The following EYA1 variants were observed in gnomAD, a reference collection of about 807,000 sequenced individuals.
EYA1 encodes EYA transcriptional coactivator and phosphatase 1.
A neutral mutation model predicts 82.0 loss-of-function variants in EYA1; 16 were observed. The ratio of observed to expected loss-of-function variants is 0.20; its 90% CI spans 0.13 to 0.30. EYA1 has a LOEUF of 0.30. Among genes scored for constraint, EYA1 ranks in the 10% least tolerant of loss-of-function variants. The pLI is 1.00. For synonymous variants in EYA1, 261 were observed against 264.4 expected, an observed-to-expected ratio of 0.99 and a Z score of 0.12; for missense variants, 633 against 730.7, an observed-to-expected ratio of 0.87 and a Z score of 1.54.
intron 2 of EYA1, among the ~76,000 whole-genome samples, chr8:71,394,774 G>A (rs994312280): frequency 1.3e-5 from 2 of 152,070 alleles, no homozygotes; most frequent in Non-Finnish European, 2.9e-5. Flanking sequence ...TGGCAATGAG[G>A]GCTCTTTTTT....
At chr8:71,451,875 A>C (rs549718969) in intron 2 of EYA1, among the ~76,000 whole-genome samples, 1 of 152,280 alleles carries the variant, frequency 6.6e-6, no homozygotes, top group South Asian at 2.1e-4. Flanking sequence ...CTGCATTTCC[A>C]ACTGAGGTAT....
At chr8:71,462,452 G>A (rs527583029) in intron 2 of EYA1, among the ~76,000 whole-genome samples, 3 of 152,186 alleles carry the variant, frequency 2.0e-5, no homozygotes, top group Non-Finnish European at 4.4e-5. Flanking sequence ...AGGGGAATGG[G>A]AGCCTTCCCA....
chr8:71,391,996 T>C (rs1272989402), intron 2 of EYA1, among the ~76,000 whole-genome samples: 1 of 152,190 alleles, frequency 6.6e-6, no homozygotes, highest in Non-Finnish European at 1.5e-5. Context: ...CTCTCAGAAC[T>C]GCAGCTGCAG....
At position 71,266,493 on chromosome 8, in the gene EYA1, C is replaced by T. The variant is rs193024404; in HGVS notation, c.1050+3247G>A. On this transcript the variant is annotated intron_variant, in intron 11 of 17. Transcript: ENST00000340726. ...ATCATTAAGTAGACTTCCTTGCATG[C>T]TTCCAGCTACAATTCAACATCCTAA... Among the ~76,000 whole-genome samples the T allele has an allele frequency of 2.8e-3, 433 of 152,302 alleles. 1 individual carries two copies. Among genetic ancestry groups the T allele is most frequent in the African/African-American group, 0.01 (419 of 41,554 alleles).
chr8:71,441,871 G>A (rs374950210), intron 2 of EYA1, among the ~76,000 whole-genome samples: 4 of 152,000 alleles, frequency 2.6e-5, no homozygotes, highest in South Asian at 2.1e-4. Context: ...GAATTAATTC[G>A]CTTATAAAAA....
intron 2 of EYA1, among the ~76,000 whole-genome samples, chr8:71,464,613 C>T (rs1260811530): frequency 6.6e-6 from 1 of 152,112 alleles, no homozygotes; most frequent in Non-Finnish European, 1.5e-5. Context: ...ATTAACTACA[C>T]TACATTAACA....
intron 2 of EYA1, among the ~76,000 whole-genome samples, chr8:71,472,529 G>T (rs865797397): frequency 6.6e-6 from 1 of 151,990 alleles, no homozygotes; most frequent in East Asian, 1.9e-4. Context: ...GTAAAAAGCA[G>T]CCATTATTAT....
chr8:71,244,686 G>A lies in EYA1; in HGVS notation c.1057C>T (p.Pro353Ser). Residue 353 changes from proline to serine, a missense_variant, in exon 12 of 18, where the codon CCC (proline) becomes TCC (serine). Physicochemically the swap from Pro to Ser is moderately conservative, Grantham distance 74. Coordinates refer to ENST00000340726, the MANE Select transcript of EYA1 (RefSeq NM_000503.6). ...CGCAGTCCAAGGGAAACTGAAGTGG[G>A]TGGATCCTAAAATAAGAATATGACA... The part of the protein sequence containing the change: ...SYANRYGRDP[P>S]TSVSLGLRME... 1 of 1,591,214 alleles carries A rather than the reference G, an allele frequency of 6.3e-7. No individual in the cohort carries two copies. Among genetic ancestry groups the A allele is most frequent in the East Asian group, 2.2e-5 (1 of 44,694 alleles).
chr8:71,331,737 C>T (rs935592470), intron 4 of EYA1, among the ~76,000 whole-genome samples: 8 of 152,098 alleles, frequency 5.3e-5, no homozygotes, highest in African/African-American at 1.9e-4. Context: ...TCTCAAGACA[C>T]GTTTTAAAAA....
In EYA1 at chr8:71,294,525, GAA is replaced by G. The variant is rs1819390535; in HGVS notation, c.826+4520_826+4521del. ...TACTAGAGAGGGAAAGAGAGAGAGA[GAA>G]AGAGGTGTAACTCTAAAAATTATAT... is the stretch of plus-strand genomic sequence containing the variant. On this transcript the variant is annotated intron_variant, in intron 9 of 17. Transcript: ENST00000340726. Among the ~76,000 whole-genome samples, 4 of 152,190 alleles carry G rather than the reference GAA, an allele frequency of 2.6e-5. No homozygotes were observed. The South Asian group carries it at 8.3e-4, about 32-fold the overall frequency.
At chr8:71,271,626 T>C in intron 10 of EYA1, 132 bp downstream of exon 10, 9 of 950,158 alleles carry the variant, frequency 9.5e-6, no homozygotes, top group Non-Finnish European at 1.5e-5. Context: ...TATCTATTGT[T>C]AATATAAAAA....
chr8:71,215,983 C>G (rs1276425140), intron 14 of EYA1, among the ~76,000 whole-genome samples: 6 of 152,092 alleles, frequency 3.9e-5, no homozygotes, highest in African/African-American at 1.4e-4. Flanking sequence ...CCTTCTGGCT[C>G]CCAGGGTAGG....
chr8:71,444,745 CAT>C, intron 2 of EYA1, among the ~76,000 whole-genome samples: 1 of 152,318 alleles, frequency 6.6e-6, no homozygotes, highest in African/African-American at 2.4e-5. Context: ...AACTTATAAA[CAT>C]ATAAAGGGAC....
At chr8:71,356,660 G>C in intron 1 of EYA1, 149 bp from the exon 2 acceptor site, 1 of 1,350,278 alleles carries the variant, frequency 7.4e-7, no homozygotes, top group Non-Finnish European at 9.5e-7. Context: ...AAGGCATATT[G>C]TCTTTAAGTT....
chr8:71,522,393 T>C (rs559357766), intron 2 of EYA1, among the ~76,000 whole-genome samples: 3 of 152,296 alleles, frequency 2.0e-5, no homozygotes, highest in East Asian at 3.9e-4. Flanking sequence ...TAAAGCTGTA[T>C]ATGTAAAGTG....
At chr8:71,290,816 A>G (rs1197604025) in intron 9 of EYA1, among the ~76,000 whole-genome samples, 1 of 152,134 alleles carries the variant, frequency 6.6e-6, no homozygotes, top group Non-Finnish European at 1.5e-5. Flanking sequence ...AGAAAGAAAG[A>G]AAGAAAGAAA....
intron 2 of EYA1, among the ~76,000 whole-genome samples, chr8:71,447,613 A>G (rs1022094216): frequency 6.6e-6 from 1 of 152,234 alleles, no homozygotes; most frequent in African/African-American, 2.4e-5. Flanking sequence ...TTTCAGAAAT[A>G]GTGAAAATTT....
chr8:71,480,703 G>A (rs934638433), intron 2 of EYA1, among the ~76,000 whole-genome samples: 19 of 150,804 alleles, frequency 1.3e-4, no homozygotes, highest in Admixed American at 1.3e-4. Context: ...CCAAAGAATC[G>A]AAACATTATA....
chr8:71,354,971 C>G, intron 2 of EYA1, 62 bp from the exon 3 acceptor site: 1 of 1,532,302 alleles, frequency 6.5e-7, no homozygotes. Context: ...CCATTTAATG[C>G]GCTAATGACT....
Sources: gnomAD v4.1 joint callset for allele counts (sites outside exome capture counted in the v4.1 genomes callset) on GRCh38, gnomAD v4.1.1 for gene constraint, MANE v1.5 for transcripts, NCBI Gene and HGNC (gene_info 2026-07-23, HGNC 2026-07-21) for gene names.